Variants in LAMA2 observed in about 807,000 individuals in gnomAD.
LAMA2 encodes laminin subunit alpha 2.
Under a neutral mutation model 364.8 loss-of-function variants are expected in LAMA2, and 269 were observed. That is an observed-to-expected ratio of 0.74 (90% CI 0.67 to 0.82). The LOEUF is 0.82. Among genes scored for constraint, LAMA2 ranks in the 40% least tolerant of loss-of-function variants. LAMA2 has a pLI of 0.00. For missense variants in LAMA2, 3,807 were observed against 3,873.2 expected, an observed-to-expected ratio of 0.98 and a Z score of 0.45; for synonymous variants, 1,379 against 1,370.6, an observed-to-expected ratio of 1.01 and a Z score of -0.14.
At chr6:129,090,458 G>A (rs1442706227) in intron 3 of LAMA2, among the ~76,000 whole-genome samples, 3 of 152,042 alleles carry the variant, frequency 2.0e-5, no homozygotes, top group Admixed American at 6.5e-5. Flanking sequence ...CATCACACCT[G>A]CTTCCAAGTT....
chr6:129,307,676 T>C (rs1393746398), intron 22 of LAMA2, among the ~76,000 whole-genome samples: 1 of 152,216 alleles, frequency 6.6e-6, no homozygotes, highest in East Asian at 1.9e-4. Flanking sequence ...TTTTAGTTGG[T>C]TGTGTACTTT....
chr6:129,098,757 T>G (rs9375617), intron 4 of LAMA2, among the ~76,000 whole-genome samples: 106,399 of 152,082 alleles, frequency 0.7, 39,756 homozygotes, highest in East Asian at 0.82. Flanking sequence ...TACATTTGAG[T>G]GTACTTTGGT....
At chr6:128,984,201 T>G (rs1469040437) in intron 1 of LAMA2, among the ~76,000 whole-genome samples, 2 of 152,274 alleles carry the variant, frequency 1.3e-5, no homozygotes, top group South Asian at 2.1e-4. Context: ...CACCACATCT[T>G]TTTGTGTTAT....
chr6:129,393,009 G>A (rs372662128), intron 36 of LAMA2, 36 bp from the exon 37 acceptor site: 47 of 1,532,770 alleles, frequency 3.1e-5, no homozygotes, highest in East Asian at 1.1e-4. Flanking sequence ...AGTGACATGA[G>A]CTCATTGTCT....
chr6:129,091,266 T>G (rs1774808263), intron 3 of LAMA2, among the ~76,000 whole-genome samples: 1 of 152,174 alleles, frequency 6.6e-6, no homozygotes, highest in Non-Finnish European at 1.5e-5. Flanking sequence ...ATTTAAACCC[T>G]TTTGAAAAAC....
intron 4 of LAMA2, among the ~76,000 whole-genome samples, chr6:129,132,168 C>CT (rs1179325141): frequency 0.051 from 7,102 of 140,092 alleles, 616 homozygotes; most frequent in African/African-American, 0.17. Flanking sequence ...TGACCTTACT[C>CT]TTTTTTTTTT....
At chr6:129,151,302 A>G (rs1391653021) in intron 7 of LAMA2, among the ~76,000 whole-genome samples, 1 of 152,236 alleles carries the variant, frequency 6.6e-6, no homozygotes, top group African/African-American at 2.4e-5. Context: ...TAGTGTGAGA[A>G]TAAGTCTATG....
At chr6:129,072,162 C>T (rs1231690733) in intron 3 of LAMA2, among the ~76,000 whole-genome samples, 1 of 151,786 alleles carries the variant, frequency 6.6e-6, no homozygotes, top group African/African-American at 2.4e-5. Flanking sequence ...TAAAAAAAAG[C>T]AAAGAAAAGA....
intron 3 of LAMA2, among the ~76,000 whole-genome samples, chr6:129,081,765 A>G (rs578254282): frequency 4.3e-4 from 65 of 152,332 alleles, no homozygotes; most frequent in African/African-American, 1.5e-3. Flanking sequence ...TTAAGTACCA[A>G]CAGAGGATTT....
intron 49 of LAMA2, among the ~76,000 whole-genome samples, chr6:129,463,539 T>G (rs939820502): frequency 6.6e-6 from 1 of 152,060 alleles, no homozygotes; most frequent in Non-Finnish European, 1.5e-5. Flanking sequence ...GGTAGGTAGA[T>G]AGACAGATAC....
chr6:128,909,789 C>T (rs1777768306), intron 1 of LAMA2, among the ~76,000 whole-genome samples: 1 of 152,006 alleles, frequency 6.6e-6, no homozygotes, highest in African/African-American at 2.4e-5. Flanking sequence ...TGTTCCTTTC[C>T]ATGTTTAGTG....
intron 58 of LAMA2, among the ~76,000 whole-genome samples, chr6:129,500,538 GTTC>G (rs1264060034): frequency 2.0e-5 from 3 of 152,156 alleles, no homozygotes; most frequent in East Asian, 3.9e-4. Context: ...TCCAGGAGGT[GTTC>G]TTCTTCCTAA....
intron 29 of LAMA2, among the ~76,000 whole-genome samples, chr6:129,335,299 A>C (rs1775886887): frequency 1.3e-5 from 2 of 152,114 alleles, no homozygotes; most frequent in African/African-American, 4.8e-5. Context: ...GTCCAAGGGG[A>C]TAGCGGGAGG....
At position 129,452,902 on chromosome 6, in the gene LAMA2, G is replaced by A. The variant is rs972424394; in HGVS notation, c.6430-86G>A. Reference sequence around the variant, plus strand: ...TAGAAAATAACTTCAAAGAAGAAACGATGATGGCTTTGTGGTTGTATGGAA... The same window carrying A: ...TAGAAAATAACTTCAAAGAAGAAACAATGATGGCTTTGTGGTTGTATGGAA... On this transcript the variant is annotated intron_variant, in intron 45 of 64. Transcript: ENST00000421865. 32 of 1,183,424 alleles carry A rather than the reference G, an allele frequency of 2.7e-5. No homozygotes were observed. In the East Asian group the frequency reaches 5.9e-4, roughly 22 times the overall value. 73.3% of individuals were successfully genotyped at this position (1,183,424 alleles called of 1,614,324 possible). A position where few individuals can be genotyped will look rare whatever the true frequency, so the allele number is the denominator to read the frequency against.
rs144004456 is a variant in LAMA2 at position 129,394,380 on chromosome 6, T to A, written c.5445+1125T>A. On this transcript the variant is annotated intron_variant, in intron 37 of 64. Transcript: ENST00000421865. ...AATCAACCAGGATTTTTTAAATCTA[T>A]TCATTTCTATTTTCCTTTAGATTAA... is the stretch of plus-strand genomic sequence containing the variant. Among the ~76,000 whole-genome samples, 434 of 152,382 alleles carry A rather than the reference T, an allele frequency of 2.8e-3. 5 individuals carry two copies. Among genetic ancestry groups the A allele is most frequent in the African/African-American group, 0.01 (420 of 41,594 alleles).
At chr6:129,071,539 C>T (rs1311097138) in intron 3 of LAMA2, among the ~76,000 whole-genome samples, 3 of 151,904 alleles carry the variant, frequency 2.0e-5, no homozygotes, top group Non-Finnish European at 4.4e-5. Flanking sequence ...TATTTATTAA[C>T]GCCTACAATT....
intron 41 of LAMA2, among the ~76,000 whole-genome samples, chr6:129,428,692 G>A (rs976055659): frequency 3.3e-4 from 50 of 152,120 alleles, no homozygotes; most frequent in African/African-American, 1.1e-3. Flanking sequence ...TGATCCTCCC[G>A]CCTCGGCCTC....
chr6:128,929,282 C>T lies in LAMA2; in HGVS notation c.112+45925C>T. The T allele has an allele frequency of 5.3e-6, 7 of 1,314,004 alleles. No individual in the cohort carries two copies. The South Asian group carries it at 5.9e-5, about 11-fold the overall frequency. The allele number at this position is 1,314,004 out of a possible 1,614,324, so 81.4% of individuals were successfully genotyped here. On this transcript the variant is annotated intron_variant, in intron 1 of 64. Transcript: ENST00000421865. The stretch of plus-strand genomic sequence containing the variant: ...AATGGCTAAGTTCCCGTCATTGATG[C>T]GGATCCCTGCCCACATGTCCCACAG...
At chr6:129,006,877 C>T (rs111975523) in intron 1 of LAMA2, among the ~76,000 whole-genome samples, 4 of 152,224 alleles carry the variant, frequency 2.6e-5, no homozygotes, top group Non-Finnish European at 4.4e-5. Flanking sequence ...GCAGTGTACC[C>T]GCATGCTTTC....
Sources: gnomAD v4.1 joint callset for allele counts (sites outside exome capture counted in the v4.1 genomes callset) on GRCh38, gnomAD v4.1.1 for gene constraint, MANE v1.5 for transcripts, NCBI Gene and HGNC (gene_info 2026-07-23, HGNC 2026-07-21) for gene names.